The following SI variants were observed in gnomAD, a reference collection of about 807,000 sequenced individuals.
SI encodes the protein sucrase-isomaltase, intestinal.
In SI, 235 loss-of-function variants were observed where a neutral mutation model predicts 253.3. The observed-to-expected ratio is 0.93, with a 90% CI of 0.83 to 1.03. SI has a LOEUF of 1.03. Ranked by LOEUF, SI falls within the 50% of genes least tolerant of loss-of-function variation. The pLI, the probability that SI is intolerant of heterozygous loss-of-function variation, is 0.00. For synonymous variants in SI, 819 were observed against 712.0 expected, an observed-to-expected ratio of 1.15 and a Z score of -2.39; for missense variants, 2,442 against 2,211.1, an observed-to-expected ratio of 1.10 and a Z score of -2.09.
chr3:165,007,465 G>T (rs552506224), intron 36 of SI, among the ~76,000 whole-genome samples: 22 of 152,078 alleles, frequency 1.4e-4, no homozygotes, highest in Admixed American at 9.8e-4. Context: ...AAACAGATAA[G>T]TGTTAGCATT....
rs1171377862 is a variant in SI, at chr3:165,013,008, TTA to T, written c.4032_4033del (p.Asp1344GlufsTer7). 4 of 1,610,480 alleles carry T rather than the reference TTA, an allele frequency of 2.5e-6. No homozygotes were observed. The highest frequency in any genetic ancestry group is 3.4e-6 in the Non-Finnish European group (4 of 1,177,008). On this transcript the variant is annotated frameshift_variant, in exon 34 of 48. Coordinates refer to ENST00000264382, the MANE Select transcript of SI (RefSeq NM_001041.4). LOFTEE classifies it high-confidence loss of function. ...AACAGCTTCATCTTCCGTTAGAGTT[TTA>T]TCTATTGTTATGTTGGGCAAATCTG...
intron 9 of SI, 37 bp downstream of exon 9, chr3:165,062,334 T>C (rs758467811): frequency 9.9e-7 from 1 of 1,007,192 alleles, no homozygotes; most frequent in East Asian, 2.4e-5. Context: ...AATAAAAGTA[T>C]GCAGAAAAAA....
chr3:165,010,353 G>T (rs1001052439), intron 34 of SI, among the ~76,000 whole-genome samples: 2 of 152,002 alleles, frequency 1.3e-5, no homozygotes, highest in African/African-American at 4.8e-5. Context: ...TAGAGACGGG[G>T]TTTCACCATG....
intron 3 of SI, among the ~76,000 whole-genome samples, chr3:165,073,728 A>G (rs888615333): frequency 1.3e-5 from 2 of 152,134 alleles, no homozygotes; most frequent in Admixed American, 1.3e-4. Flanking sequence ...AAATATCAAC[A>G]TGGTAATAAA....
upstream of SI, among the ~76,000 whole-genome samples, chr3:165,082,588 T>C (rs917204495): frequency 6.6e-6 from 1 of 152,014 alleles, no homozygotes; most frequent in African/African-American, 2.4e-5. Context: ...TGTTTCATGC[T>C]TGTAGTATAG....
chr3:165,048,317 T>G (rs1372276374), intron 15 of SI, among the ~76,000 whole-genome samples: 1 of 151,772 alleles, frequency 6.6e-6, no homozygotes, highest in East Asian at 1.9e-4. Context: ...TTGTTTTGTA[T>G]CATATTTTAT....
intron 23 of SI, 149 bp from the exon 24 acceptor site, chr3:165,032,841 T>G: frequency 1.8e-6 from 1 of 550,402 alleles, no homozygotes; most frequent in Admixed American, 3.2e-5. Flanking sequence ...AGAAATATAC[T>G]CATTAATATC....
intron 12 of SI, 36 bp downstream of exon 12, chr3:165,058,927 T>G (rs1484382891): frequency 6.3e-7 from 1 of 1,581,304 alleles, no homozygotes. Context: ...AGAAGAAAAT[T>G]TGAGCAACAT....
intron 28 of SI, among the ~76,000 whole-genome samples, chr3:165,018,816 T>C (rs1297782452): frequency 6.6e-6 from 1 of 151,646 alleles, no homozygotes; most frequent in Non-Finnish European, 1.5e-5. Context: ...AAATGTATTC[T>C]TTCAAGTTAG....
intron 9 of SI, 120 bp from the exon 10 acceptor site, chr3:165,060,147 T>C: frequency 1.1e-6 from 1 of 873,494 alleles, no homozygotes; most frequent in Non-Finnish European, 1.8e-6. Flanking sequence ...GTTTATATAA[T>C]TTAAACAAAC....
intron 28 of SI, among the ~76,000 whole-genome samples, chr3:165,018,809 T>C (rs6779543): frequency 0.72 from 109,234 of 151,098 alleles, 40,534 homozygotes; most frequent in East Asian, 0.85. Flanking sequence ...TTTGGTAAAA[T>C]GTATTCTTTC....
chr3:164,988,270 T>C (rs1000530964), intron 44 of SI, among the ~76,000 whole-genome samples: 8 of 152,170 alleles, frequency 5.3e-5, no homozygotes, highest in African/African-American at 1.9e-4. Flanking sequence ...TCCACAGTAA[T>C]TAGATATTTT....
chr3:165,013,651 A>G (rs922701235), intron 33 of SI, among the ~76,000 whole-genome samples: 2 of 152,150 alleles, frequency 1.3e-5, no homozygotes, highest in African/African-American at 2.4e-5. Flanking sequence ...ATTTGGATCT[A>G]TATTGTAGAA....
chr3:165,036,609 T>C (rs529541181), intron 21 of SI, 132 bp from the exon 22 acceptor site: 2 of 604,326 alleles, frequency 3.3e-6, no homozygotes, highest in South Asian at 4.0e-5. Context: ...CATCAATAAA[T>C]TTGTATTTAT....
At chr3:165,015,073 T>C (rs988818525) in intron 33 of SI, 50 bp downstream of exon 33, 34 of 1,395,790 alleles carry the variant, frequency 2.4e-5, no homozygotes, top group Admixed American at 2.4e-4. Context: ...GAAACTTTCA[T>C]TGAAATATAA....
Position 165,059,265 on chromosome 3 carries a change from T to C in SI, c.1181A>G (p.Asp394Gly), listed in dbSNP as rs1376934440. ...TQVTDIDYME[D>G]KKDFTYDQVA... is the part of the protein sequence containing the mutation. ...TTGATCATAAGTAAAGTCTTTCTTGTCTTCCATGTAGTCAATATCAGTGAC... is the reference window on the plus strand; with the variant it reads ...TTGATCATAAGTAAAGTCTTTCTTGCCTTCCATGTAGTCAATATCAGTGAC... Residue 394 changes from aspartate (D) to glycine (G), a missense_variant, in exon 11 of 48, where the codon GAC becomes GGC. Transcript: ENST00000264382. The C allele has an allele frequency of 6.2e-7, 1 of 1,612,574 alleles. No homozygotes were observed. Among genetic ancestry groups the C allele is most frequent in the Non-Finnish European group, 8.5e-7 (1 of 1,179,076 alleles).
rs542531783 is a variant in SI, at chr3:165,075,562, C to A, written c.118+333G>T. Among the ~76,000 whole-genome samples, 4 of 151,936 alleles carry A rather than the reference C, an allele frequency of 2.6e-5. 1 individual carries two copies. In the South Asian group the frequency reaches 8.3e-4, roughly 32 times the overall value. ...AGTGTGTGAAGGCTGGAGCAAAAAC[C>A]CAGGTTTTCCCACTAATGAGATGAT... On this transcript the variant is annotated intron_variant, in intron 2 of 47. Transcript: ENST00000264382.
At chr3:165,074,025 T>G (rs1341486781) in intron 3 of SI, among the ~76,000 whole-genome samples, 1 of 151,918 alleles carries the variant, frequency 6.6e-6, no homozygotes, top group Admixed American at 6.6e-5. Flanking sequence ...AAAGGAAGAG[T>G]GAACTTGGGT....
chr3:165,017,278 TGA>T, intron 31 of SI, among the ~76,000 whole-genome samples: 1 of 151,876 alleles, frequency 6.6e-6, no homozygotes, highest in Non-Finnish European at 1.5e-5. Context: ...CCAGAGTTTG[TGA>T]GAGGAAATCA....
Sources: allele counts gnomAD v4.1 joint callset (sites outside exome capture counted in the v4.1 genomes callset), GRCh38; gene constraint gnomAD v4.1.1; transcripts MANE v1.5; gene names NCBI Gene and HGNC (gene_info 2026-07-23, HGNC 2026-07-21).